The following SH3KBP1 variants were observed in gnomAD, a reference collection of about 807,000 sequenced individuals.
The protein encoded by SH3KBP1 is SH3 domain-containing kinase-binding protein 1.
SH3KBP1 carries 8 observed loss-of-function variants against 50.1 expected under a neutral mutation model. That is an observed-to-expected ratio of 0.16 (90% CI 0.09 to 0.29). SH3KBP1 has a LOEUF of 0.29. Ranked by LOEUF, SH3KBP1 falls within the 10% of genes least tolerant of loss-of-function variation. The pLI is 1.00. For synonymous variants in SH3KBP1, 227 were observed against 218.6 expected (o/e 1.04, Z -0.34); for missense variants, 377 against 535.2 (o/e 0.70, Z 2.92).
chrX:19,731,458 G>A (rs1477331246), intron 3 of SH3KBP1, among the ~76,000 whole-genome samples: 1 of 111,254 alleles, frequency 9.0e-6, no homozygotes, highest in Non-Finnish European at 1.9e-5. Context: ...AGATCTAGTT[G>A]CAATTTCCTC....
At chrX:19,554,382 TATC>T (rs1432383948) in intron 13 of SH3KBP1, among the ~76,000 whole-genome samples, 9 of 97,288 alleles carry the variant, frequency 9.3e-5, no homozygotes, top group Non-Finnish European at 1.8e-4. Context: ...ATATAATATA[TATC>T]ATATTAAAAT....
At chrX:19,869,881 A>C (rs1482695733) in intron 1 of SH3KBP1, among the ~76,000 whole-genome samples, 1 of 112,455 alleles carries the variant, frequency 8.9e-6, no homozygotes, top group Non-Finnish European at 1.9e-5. Flanking sequence ...CTTAAAACCC[A>C]GCAAAACCAC....
chrX:19,548,634 A>T (rs754821682), intron 14 of SH3KBP1, among the ~76,000 whole-genome samples: 1 of 111,988 alleles, frequency 8.9e-6, no homozygotes, highest in Admixed American at 9.5e-5. Context: ...GACTCTAGAT[A>T]TGAGAGAAGA....
At chrX:19,831,384 A>G (rs1175409734) in intron 2 of SH3KBP1, among the ~76,000 whole-genome samples, 8 of 102,050 alleles carry the variant, frequency 7.8e-5, no homozygotes, top group African/African-American at 3.1e-4. Context: ...ACTGCACTCC[A>G]GCCTGGGCAA....
chrX:19,808,350 A>C (rs1271764967), intron 2 of SH3KBP1, among the ~76,000 whole-genome samples: 2 of 109,805 alleles, frequency 1.8e-5, no homozygotes, highest in Non-Finnish European at 3.8e-5. Context: ...TTTTTAGGTG[A>C]GATGGAGTGG....
intron 2 of SH3KBP1, among the ~76,000 whole-genome samples, chrX:19,753,028 C>T (rs1221348890): frequency 1.8e-5 from 2 of 111,914 alleles, no homozygotes; most frequent in Non-Finnish European, 3.8e-5. Flanking sequence ...CCCTATCTTG[C>T]CAGATTTCTC....
intron 2 of SH3KBP1, among the ~76,000 whole-genome samples, chrX:19,807,333 G>T: frequency 8.9e-6 from 1 of 112,084 alleles, no homozygotes; most frequent in African/African-American, 3.2e-5. Flanking sequence ...TGTAAAGCTT[G>T]CTGTAATCAG....
rs1014261463 is a variant in SH3KBP1, at chrX:19,817,193, A to G, written c.162+18932T>C. 2.7e-5 allele frequency among the ~76,000 whole-genome samples: 3 copies of G among 112,280 alleles called. No individual in the cohort carries two copies. In the South Asian group the frequency reaches 1.1e-3, roughly 41 times the overall value. ...ACTATAACTATTAAAGTTAACTCAT[A>G]AAATTGGGTAGATTCCTATTTTGCT... On this transcript the variant is annotated intron_variant, in intron 2 of 17. Coordinates refer to ENST00000397821, the MANE Select transcript of SH3KBP1 (RefSeq NM_031892.3).
chrX:19,866,997 G>A (rs1051489436), intron 1 of SH3KBP1, among the ~76,000 whole-genome samples: 3 of 111,165 alleles, frequency 2.7e-5, no homozygotes, highest in Non-Finnish European at 3.8e-5. Flanking sequence ...GTCAATATGC[G>A]ATCCCATTAA....
intron 2 of SH3KBP1, among the ~76,000 whole-genome samples, chrX:19,750,827 GAAA>G (rs1172250738): frequency 9.8e-6 from 1 of 101,663 alleles, no homozygotes; most frequent in Non-Finnish European, 2.0e-5. Flanking sequence ...ACACTGTCAG[GAAA>G]AAAAAAAACA....
intron 1 of SH3KBP1, among the ~76,000 whole-genome samples, chrX:19,864,329 CT>C: frequency 9.0e-6 from 1 of 111,405 alleles, no homozygotes; most frequent in Middle Eastern, 4.7e-3. Context: ...CCCCCACCCC[CT>C]GCAAAGATTT....
intron 9 of SH3KBP1, among the ~76,000 whole-genome samples, chrX:19,603,111 G>T (rs1383768056): frequency 1.8e-5 from 2 of 112,316 alleles, no homozygotes; most frequent in African/African-American, 6.5e-5. Flanking sequence ...AATGGAGGCC[G>T]AAGGCAGTGG....
At chrX:19,837,975 T>A (rs1040773539) in intron 1 of SH3KBP1, among the ~76,000 whole-genome samples, 1 of 111,155 alleles carries the variant, frequency 9.0e-6, no homozygotes, top group African/African-American at 3.3e-5. Context: ...TAAAACTTTT[T>A]ATAAGAATGG....
At chrX:19,838,901 A>AAAG (rs2068140066) in intron 1 of SH3KBP1, among the ~76,000 whole-genome samples, 1 of 106,852 alleles carries the variant, frequency 9.4e-6, no homozygotes, top group Admixed American at 9.9e-5. Flanking sequence ...AAAAAAAAAA[A>AAAG]AAAAAGAAAA....
At chrX:19,597,959 T>C (rs186621920) in intron 9 of SH3KBP1, among the ~76,000 whole-genome samples, 2 of 113,000 alleles carry the variant, frequency 1.8e-5, no homozygotes, top group Admixed American at 1.9e-4. Context: ...CTAGATCTTC[T>C]GGATAACTTG....
At chrX:19,547,132 A>G (rs866873923) in intron 14 of SH3KBP1, among the ~76,000 whole-genome samples, 3 of 104,157 alleles carry the variant, frequency 2.9e-5, no homozygotes, top group Non-Finnish European at 5.8e-5. Context: ...TCCAGCCTGG[A>G]CAAAAGAGTG....
At chrX:19,830,500 T>C (rs1306513410) in intron 2 of SH3KBP1, among the ~76,000 whole-genome samples, 1 of 111,842 alleles carries the variant, frequency 8.9e-6, no homozygotes, top group African/African-American at 3.2e-5. Flanking sequence ...CTCATGCCTA[T>C]AATCCCAACA....
chrX:19,857,788 A>G (rs1416221922), intron 1 of SH3KBP1, among the ~76,000 whole-genome samples: 1 of 111,326 alleles, frequency 9.0e-6, no homozygotes, highest in African/African-American at 3.3e-5. Flanking sequence ...TACAAGTAAA[A>G]ACGGCCTTAA....
intron 2 of SH3KBP1, among the ~76,000 whole-genome samples, chrX:19,760,041 C>CCCCT (rs2065349510): frequency 2.0e-5 from 1 of 50,459 alleles, no homozygotes; most frequent in Admixed American, 2.4e-4. Context: ...TCTCTCTCTC[C>CCCCT]CTCTCTCTCT....
Sources: allele counts gnomAD v4.1 joint callset (sites outside exome capture counted in the v4.1 genomes callset), GRCh38; gene constraint gnomAD v4.1.1; transcripts MANE v1.5; gene names NCBI Gene and HGNC (gene_info 2026-07-23, HGNC 2026-07-21).